Variants in ELMO1 observed in about 807,000 individuals in gnomAD.
ELMO1 encodes engulfment and cell motility protein 1.
In ELMO1, 26 loss-of-function variants were observed where a neutral mutation model predicts 98.9. The ratio of observed to expected loss-of-function variants is 0.26; its 90% CI spans 0.19 to 0.36. The LOEUF is 0.36. Among genes scored for constraint, ELMO1 ranks in the 10% least tolerant of loss-of-function variants. The pLI is 1.00. For missense variants in ELMO1, 627 were observed against 935.2 expected (o/e 0.67, Z 4.30); for synonymous variants, 346 against 346.0 (o/e 1.00, Z 0.00).
At chr7:37,081,658 G>A (rs1385701712) in intron 15 of ELMO1, among the ~76,000 whole-genome samples, 2 of 152,212 alleles carry the variant, frequency 1.3e-5, no homozygotes, top group African/African-American at 4.8e-5. Context: ...TGCCAGGTAA[G>A]ACGTGCCTTT....
intron 13 of ELMO1, among the ~76,000 whole-genome samples, chr7:37,133,741 C>A (rs1316535826): frequency 6.6e-6 from 1 of 152,108 alleles, no homozygotes; most frequent in African/African-American, 2.4e-5. Flanking sequence ...GCTACACAGT[C>A]CACAGGCCTC....
chr7:37,025,013 C>T (rs1794487584), intron 15 of ELMO1, among the ~76,000 whole-genome samples: 2 of 152,174 alleles, frequency 1.3e-5, no homozygotes, highest in Admixed American at 1.3e-4. Context: ...TAAGTAACCC[C>T]TGGGAATTTG....
At chr7:37,190,441 T>G (rs549177750) in intron 13 of ELMO1, among the ~76,000 whole-genome samples, 1 of 152,316 alleles carries the variant, frequency 6.6e-6, no homozygotes, top group African/African-American at 2.4e-5. Context: ...GCTAAGCATA[T>G]ACTAAGATGA....
chr7:37,114,068 C>T (rs763492224), intron 14 of ELMO1, among the ~76,000 whole-genome samples: 4 of 152,190 alleles, frequency 2.6e-5, no homozygotes, highest in Admixed American at 6.5e-5. Flanking sequence ...GGCTGGAAAG[C>T]CAGAACACTG....
chr7:37,014,326 G>A (rs1793768073), intron 15 of ELMO1, among the ~76,000 whole-genome samples: 1 of 151,884 alleles, frequency 6.6e-6, no homozygotes, highest in East Asian at 1.9e-4. Flanking sequence ...AGGAACTAAG[G>A]TTTGTGACCC....
chr7:37,074,197 T>A (rs1173745452), intron 15 of ELMO1, among the ~76,000 whole-genome samples: 2 of 148,366 alleles, frequency 1.3e-5, no homozygotes, highest in East Asian at 3.9e-4. Context: ...TATATATGCA[T>A]AAATTCATAT....
chr7:37,440,992 A>G (rs1290404132), intron 1 of ELMO1, among the ~76,000 whole-genome samples: 1 of 151,676 alleles, frequency 6.6e-6, no homozygotes, highest in African/African-American at 2.4e-5. Context: ...GGCTAAAGAG[A>G]CCAAAAACAA....
chr7:37,176,647 T>C (rs973162253), intron 13 of ELMO1, among the ~76,000 whole-genome samples: 8 of 152,144 alleles, frequency 5.3e-5, no homozygotes, highest in African/African-American at 1.4e-4. Context: ...AAGTAAAACA[T>C]AGAATAATCT....
At chr7:36,919,811 T>C (rs1309631946) in intron 16 of ELMO1, among the ~76,000 whole-genome samples, 1 of 152,158 alleles carries the variant, frequency 6.6e-6, no homozygotes, top group Non-Finnish European at 1.5e-5. Context: ...CTGAACCCTA[T>C]TGCTAATGTG....
At chr7:37,284,420 G>A (rs916369196) in intron 4 of ELMO1, among the ~76,000 whole-genome samples, 5 of 152,172 alleles carry the variant, frequency 3.3e-5, no homozygotes, top group African/African-American at 4.8e-5. Flanking sequence ...AAGACTGAGC[G>A]AGGTGAGGGA....
intron 15 of ELMO1, among the ~76,000 whole-genome samples, chr7:37,042,755 A>G (rs1795592391): frequency 6.6e-6 from 1 of 152,142 alleles, no homozygotes; most frequent in African/African-American, 2.4e-5. Context: ...CTTGGCCTGG[A>G]ATATTCACTA....
intron 1 of ELMO1, among the ~76,000 whole-genome samples, chr7:37,406,259 ACTCTTTTGTTTTTTTTTTTTCT>A (rs1192761941): frequency 7.8e-6 from 1 of 128,878 alleles, no homozygotes; most frequent in Non-Finnish European, 1.6e-5. Flanking sequence ...CTGCAATATT[ACTCTTTTGTTTTTTTTTTTTCT>A]CTCTTTGTAT....
intron 15 of ELMO1, among the ~76,000 whole-genome samples, chr7:37,032,450 T>C (rs1351635672): frequency 6.6e-6 from 1 of 152,136 alleles, no homozygotes; most frequent in South Asian, 2.1e-4. Flanking sequence ...ACCCTGCCAG[T>C]TGATGGAAAG....
intron 15 of ELMO1, among the ~76,000 whole-genome samples, chr7:37,093,265 C>T (rs1246976373): frequency 2.0e-5 from 3 of 151,902 alleles, no homozygotes; most frequent in African/African-American, 7.3e-5. Flanking sequence ...GCTTTAGACA[C>T]CAAAATATAA....
intron 6 of ELMO1, among the ~76,000 whole-genome samples, chr7:37,252,604 G>C (rs1268435965): frequency 6.6e-6 from 1 of 152,066 alleles, no homozygotes; most frequent in Non-Finnish European, 1.5e-5. Context: ...AGACTTAAAC[G>C]TAAGACCTAA....
At chr7:37,275,701 C>G (rs535660088) in intron 4 of ELMO1, among the ~76,000 whole-genome samples, 82 of 152,338 alleles carry the variant, frequency 5.4e-4, no homozygotes, top group African/African-American at 1.9e-3. Context: ...TTACATTTAT[C>G]TTCTCTCCCT....
At chr7:37,139,822 T>C (rs1787498580) in intron 13 of ELMO1, among the ~76,000 whole-genome samples, 1 of 151,978 alleles carries the variant, frequency 6.6e-6, no homozygotes, top group South Asian at 2.1e-4. Flanking sequence ...AACTATACTA[T>C]AAGGCGACAG....
intron 13 of ELMO1, among the ~76,000 whole-genome samples, chr7:37,167,670 A>T (rs1272685323): frequency 1.3e-5 from 2 of 151,846 alleles, no homozygotes; most frequent in South Asian, 2.1e-4. Context: ...ATTGGCTCCC[A>T]CTCTCTTCTG....
intron 15 of ELMO1, among the ~76,000 whole-genome samples, chr7:37,021,515 A>C (rs1794266306): frequency 1.3e-5 from 2 of 152,264 alleles, no homozygotes; most frequent in South Asian, 4.1e-4. Context: ...ATTCAGCAAA[A>C]GTAATCAGAG....
Sources: gnomAD v4.1 joint callset for allele counts (sites outside exome capture counted in the v4.1 genomes callset) on GRCh38, gnomAD v4.1.1 for gene constraint, MANE v1.5 for transcripts, NCBI Gene and HGNC (gene_info 2026-07-23, HGNC 2026-07-21) for gene names.